AGBL3: variants seen among roughly 807,000 people sequenced by gnomAD.
AGBL3 encodes the protein AGBL carboxypeptidase 3.
Under a neutral mutation model 94.5 loss-of-function variants are expected in AGBL3, and 68 were observed. The observed-to-expected ratio is 0.72, with a 90% CI of 0.59 to 0.88. The LOEUF (loss-of-function observed/expected upper bound fraction) is 0.88, where lower values mean the gene tolerates loss of function less well. Among genes scored for constraint, AGBL3 ranks in the 40% least tolerant of loss-of-function variants. The probability of loss-of-function intolerance (pLI) is 0.00; values close to 1 mark genes in which losing one functional copy is unlikely to be tolerated. For missense variants in AGBL3, 934 were observed against 1,103.8 expected (o/e 0.85, Z 2.18); for synonymous variants, 354 against 370.7 (o/e 0.95, Z 0.52).
intron 15 of AGBL3, among the ~76,000 whole-genome samples, chr7:135,083,143 T>A (rs983393292): frequency 6.6e-6 from 1 of 152,140 alleles, no homozygotes; most frequent in Non-Finnish European, 1.5e-5. Context: ...TTTCTCTATC[T>A]TAACTACCAT....
intron 11 of AGBL3, among the ~76,000 whole-genome samples, chr7:135,056,315 C>G (rs1386553491): frequency 6.6e-6 from 1 of 151,778 alleles, no homozygotes; most frequent in Non-Finnish European, 1.5e-5. Context: ...TTTCTGATTT[C>G]CTAATGTGGA....
At chr7:135,133,098 C>G (rs1345243309) in intron 16 of AGBL3, among the ~76,000 whole-genome samples, 1 of 141,358 alleles carries the variant, frequency 7.1e-6, no homozygotes, top group Non-Finnish European at 1.6e-5. Flanking sequence ...CACACACACA[C>G]AACCTTTAGA....
At chr7:135,069,866 C>G (rs1189145447) in intron 12 of AGBL3, among the ~76,000 whole-genome samples, 403 of 136,004 alleles carry the variant, frequency 3.0e-3, no homozygotes, top group Admixed American at 3.4e-3. Context: ...CAAGAAATAA[C>G]TAAGATCAGA....
At chr7:135,075,630 A>G (rs944601182) in intron 12 of AGBL3, among the ~76,000 whole-genome samples, 2 of 152,218 alleles carry the variant, frequency 1.3e-5, no homozygotes, top group African/African-American at 4.8e-5. Context: ...TGGTACATAC[A>G]TGTTTAATTC....
At chr7:135,092,385 T>C (rs1200677351) in intron 15 of AGBL3, 1 of 152,234 alleles carries the variant, frequency 6.6e-6, no homozygotes, top group African/African-American at 2.4e-5. Context: ...CTTGGTTTAT[T>C]TGAGGTTTAA....
intron 16 of AGBL3, among the ~76,000 whole-genome samples, chr7:135,117,384 T>A (rs1052312624): frequency 6.6e-6 from 1 of 152,218 alleles, no homozygotes; most frequent in Admixed American, 6.5e-5. Context: ...GCCCTATGAT[T>A]ACATTCAGAT....
chr7:135,108,967 G>A (rs1314367797), intron 15 of AGBL3, among the ~76,000 whole-genome samples: 1 of 152,072 alleles, frequency 6.6e-6, no homozygotes, highest in South Asian at 2.1e-4. Flanking sequence ...CCTCAGCTTG[G>A]TCTATTCTGC....
At chr7:135,121,713 G>T (rs1455910353) in intron 16 of AGBL3, among the ~76,000 whole-genome samples, 3 of 152,138 alleles carry the variant, frequency 2.0e-5, no homozygotes, top group African/African-American at 7.2e-5. Flanking sequence ...AGGTATCCAG[G>T]TTCTCTCATC....
At chr7:135,069,053 C>CA (rs1481393023) in intron 12 of AGBL3, among the ~76,000 whole-genome samples, 2 of 151,560 alleles carry the variant, frequency 1.3e-5, no homozygotes, top group Admixed American at 6.6e-5. Context: ...CAAATGAAAA[C>CA]AAAAAAAGGC....
In AGBL3 at chr7:135,083,711, T is replaced by C. The variant is rs527278178; in HGVS notation, c.2110+1921T>C. Among the ~76,000 whole-genome samples, 3 of 152,318 alleles carry C rather than the reference T, an allele frequency of 2.0e-5. No homozygotes were observed. In the East Asian group the frequency reaches 5.8e-4, roughly 29 times the overall value. ...ATTGAATTATCATATTTCTTTATTC[T>C]CTTAATTTGGAACATTGGCTCAGCC... On this transcript the variant is annotated intron_variant, in intron 15 of 16. Coordinates refer to ENST00000436302, the MANE Select transcript of AGBL3 (RefSeq NM_178563.4).
chr7:135,047,696 C>A (rs1232735453), intron 11 of AGBL3, among the ~76,000 whole-genome samples: 1 of 151,918 alleles, frequency 6.6e-6, no homozygotes, highest in Non-Finnish European at 1.5e-5. Context: ...AAGTACTTAG[C>A]CCATTTTATA....
At chr7:135,098,184 G>A (rs1226107934) in intron 15 of AGBL3, among the ~76,000 whole-genome samples, 1 of 152,110 alleles carries the variant, frequency 6.6e-6, no homozygotes, top group Non-Finnish European at 1.5e-5. Context: ...AATACCTGCC[G>A]TTGCTAATAA....
intron 4 of AGBL3, among the ~76,000 whole-genome samples, chr7:134,996,357 A>G (rs947642909): frequency 3.3e-5 from 5 of 152,202 alleles, no homozygotes; most frequent in African/African-American, 1.2e-4. Flanking sequence ...ATTCTGCCAA[A>G]TGAAAACCAT....
intron 4 of AGBL3, among the ~76,000 whole-genome samples, chr7:135,004,301 A>G (rs1486868040): frequency 6.6e-6 from 1 of 151,674 alleles, no homozygotes. Context: ...GTCATTGTGG[A>G]TAATTTTTAG....
intron 13 of AGBL3, among the ~76,000 whole-genome samples, chr7:135,077,848 G>C (rs778663488): frequency 1.3e-5 from 2 of 152,204 alleles, no homozygotes; most frequent in African/African-American, 4.8e-5. Flanking sequence ...ACCAGTCTCA[G>C]GTGTTTCCTA....
intron 12 of AGBL3, among the ~76,000 whole-genome samples, chr7:135,067,954 G>A (rs994120703): frequency 6.6e-6 from 1 of 152,186 alleles, no homozygotes; most frequent in African/African-American, 2.4e-5. Context: ...AAAGGAGGAA[G>A]TTCGAACCCA....
chr7:135,073,369 C>T (rs983670868), intron 12 of AGBL3, among the ~76,000 whole-genome samples: 1 of 151,968 alleles, frequency 6.6e-6, no homozygotes, highest in African/African-American at 2.4e-5. Flanking sequence ...ACGTGGGAGG[C>T]TGAGGCAAGG....
chr7:135,072,594 A>G lies in AGBL3; in HGVS notation c.1909-3803A>G, dbSNP rs1384411337. Among the ~76,000 whole-genome samples the G allele has an allele frequency of 2.6e-5, 4 of 152,296 alleles. No homozygotes were observed. In the South Asian group the frequency reaches 6.2e-4, roughly 24 times the overall value. On this transcript the variant is annotated intron_variant, in intron 12 of 16. Transcript: ENST00000436302. ...GAGTACTATGCAGCCATAAAAAATG[A>G]TAAGTTCATGTCCTTTGTAGGGACA...
chr7:135,106,396 C>T (rs1308987449), intron 15 of AGBL3, among the ~76,000 whole-genome samples: 2 of 152,076 alleles, frequency 1.3e-5, no homozygotes, highest in African/African-American at 4.8e-5. Context: ...TCCTTCAATA[C>T]TAGTTTATTG....
Sources: allele counts gnomAD v4.1 joint callset (sites outside exome capture counted in the v4.1 genomes callset), GRCh38; gene constraint gnomAD v4.1.1; transcripts MANE v1.5; gene names NCBI Gene and HGNC (gene_info 2026-07-23, HGNC 2026-07-21).